PLA2R1: variants seen among roughly 807,000 people sequenced by gnomAD.
The protein encoded by PLA2R1 is phospholipase A2 receptor 1, also known as secretory phospholipase A2 receptor.
In PLA2R1, 158 loss-of-function variants were observed where a neutral mutation model predicts 195.9. The ratio of observed to expected loss-of-function variants is 0.81; its 90% CI spans 0.71 to 0.92. The LOEUF (loss-of-function observed/expected upper bound fraction) is 0.92, where lower values mean the gene tolerates loss of function less well. Ranked by LOEUF, PLA2R1 falls within the 40% of genes least tolerant of loss-of-function variation. The pLI, the probability that PLA2R1 is intolerant of heterozygous loss-of-function variation, is 0.00. For missense variants in PLA2R1, 1,626 were observed against 1,764.6 expected (o/e 0.92, Z 1.41); for synonymous variants, 586 against 598.2 (o/e 0.98, Z 0.30).
At chr2:160,042,800 CGTGTGT>C (rs111414981) in intron 2 of PLA2R1, among the ~76,000 whole-genome samples, 1,607 of 119,702 alleles carry the variant, frequency 0.013, 39 homozygotes, top group African/African-American at 0.039. Flanking sequence ...TGTGTGTGTG[CGTGTGT>C]GTGTGTGTGT....
intron 12 of PLA2R1, among the ~76,000 whole-genome samples, chr2:159,986,397 T>A (rs1206439991): frequency 1.3e-5 from 2 of 152,012 alleles, no homozygotes; most frequent in East Asian, 3.9e-4. Flanking sequence ...ACTTTGCCCA[T>A]CTTGTTGTGT....
rs745496442 is a variant in PLA2R1, at chr2:159,933,543, T to G, written c.*8235A>C. 2.4e-4 allele frequency: 37 copies of G among 152,302 alleles called. No homozygotes were observed. The highest frequency in any genetic ancestry group is 4.4e-4 in the Non-Finnish European group (30 of 68,030). 9.4% of individuals were successfully genotyped at this position (152,302 alleles called of 1,614,324 possible). ...CTTTTTTTTCTGATTCTCTTCTTCT[T>G]GATATTATTTATGTCACATTGCATT... is the stretch of plus-strand genomic sequence containing the variant. On this transcript the variant is annotated 3_prime_UTR_variant, in exon 30 of 30. Coordinates refer to ENST00000283243, the MANE Select transcript of PLA2R1 (RefSeq NM_007366.5).
At position 160,020,256 on chromosome 2, in the gene PLA2R1, T is replaced by G. The variant is rs368219792; in HGVS notation, c.1302A>C (p.Ala434=). Residue 434 remains alanine, a synonymous_variant, in exon 8 of 30, where the codon GCA becomes GCC. Transcript: ENST00000283243. ...TGCTCAAACCAATCCATGTTTCTGA[T>G]GCATTTTCTGTAAGAGATAAATGTA... ...FLVTLLGDEN[A]SETWIGLSSN... is the part of the protein sequence containing the mutation. The G allele has an allele frequency of 1.9e-6, 3 of 1,608,138 alleles. No individual in the cohort carries two copies.
chr2:159,971,647 A>T (rs182325829), intron 17 of PLA2R1, among the ~76,000 whole-genome samples: 20 of 152,180 alleles, frequency 1.3e-4, no homozygotes, highest in African/African-American at 3.6e-4. Context: ...TGTGTGCTGA[A>T]CTGTAAGTTA....
At chr2:159,977,498 T>A in intron 14 of PLA2R1, 82 bp from the exon 15 acceptor site, 2 of 1,219,548 alleles carry the variant, frequency 1.6e-6, no homozygotes, top group Non-Finnish European at 2.4e-6. Context: ...TCCCTGTACA[T>A]AAGCATTATA....
chr2:160,033,711 T>G (rs1693994407), intron 3 of PLA2R1, among the ~76,000 whole-genome samples: 1 of 152,220 alleles, frequency 6.6e-6, no homozygotes, highest in Non-Finnish European at 1.5e-5. Flanking sequence ...GGCCGAAGAT[T>G]GCATAGTGTG....
chr2:160,053,738 T>C (rs762699199), intron 1 of PLA2R1, among the ~76,000 whole-genome samples: 16 of 152,162 alleles, frequency 1.1e-4, no homozygotes, highest in African/African-American at 3.9e-4. Context: ...GCAGCATCAA[T>C]TGTAGGGCAG....
At chr2:159,967,990 T>G (rs1465557834) in intron 19 of PLA2R1, among the ~76,000 whole-genome samples, 2 of 152,202 alleles carry the variant, frequency 1.3e-5, no homozygotes, top group Admixed American at 6.5e-5. Flanking sequence ...AAGAATACTT[T>G]GTAGGGTAAC....
chr2:160,033,384 GTAA>G (rs1280579226), intron 3 of PLA2R1, among the ~76,000 whole-genome samples: 1 of 152,172 alleles, frequency 6.6e-6, no homozygotes, highest in East Asian at 1.9e-4. Flanking sequence ...CCTTTCCAGA[GTAA>G]TAATAGGAAC....
intron 7 of PLA2R1, among the ~76,000 whole-genome samples, chr2:160,021,768 C>T (rs936400241): frequency 3.9e-5 from 6 of 152,186 alleles, no homozygotes; most frequent in African/African-American, 1.4e-4. Context: ...CCTCTTAAAC[C>T]TATTTTTTAA....
intron 3 of PLA2R1, among the ~76,000 whole-genome samples, chr2:160,039,843 A>G (rs923837697): frequency 3.9e-5 from 6 of 152,038 alleles, no homozygotes; most frequent in Non-Finnish European, 8.8e-5. Context: ...CTGGGGAATG[A>G]AAAGCCTGGA....
rs928983765 is a variant in PLA2R1 at position 159,937,342 on chromosome 2, G to A, written c.*4436C>T. 25 of 152,108 alleles carry A rather than the reference G, an allele frequency of 1.6e-4. No individual in the cohort carries two copies. Among genetic ancestry groups the A allele is most frequent in the African/African-American group, 5.1e-4 (21 of 41,420 alleles). 9.4% of individuals were successfully genotyped at this position (152,108 alleles called of 1,614,324 possible). On this transcript the variant is annotated 3_prime_UTR_variant, in exon 30 of 30. Coordinates refer to ENST00000283243, the MANE Select transcript of PLA2R1 (RefSeq NM_007366.5). Reference sequence around the variant, plus strand: ...GTCAATACTATTTTTCTATTAAAATGCCTTTACCCTATTACAAGCTTTAAT... The same window carrying A: ...GTCAATACTATTTTTCTATTAAAATACCTTTACCCTATTACAAGCTTTAAT...
At chr2:159,962,470 G>C (rs1304553693) in intron 20 of PLA2R1, among the ~76,000 whole-genome samples, 1 of 152,196 alleles carries the variant, frequency 6.6e-6, no homozygotes, top group African/African-American at 2.4e-5. Flanking sequence ...GTGGAACACA[G>C]TGTGGTGATT....
chr2:160,031,542 C>CA lies in PLA2R1; in HGVS notation c.841+1416dup, dbSNP rs753222485. Among the ~76,000 whole-genome samples the CA allele has an allele frequency of 3.3e-5, 5 of 152,176 alleles. No individual in the cohort carries two copies. The South Asian group carries it at 6.2e-4, about 19-fold the overall frequency. On this transcript the variant is annotated intron_variant, in intron 4 of 29. Transcript: ENST00000283243. Reference sequence around the variant, plus strand: ...TTCACCTGTATTAAAATATGTAAGCCACACCAGGAATTTGCATTGTTATTA... The same window carrying CA: ...TTCACCTGTATTAAAATATGTAAGCCAACACCAGGAATTTGCATTGTTATTA...
chr2:160,049,486 T>C (rs971622855), intron 1 of PLA2R1, among the ~76,000 whole-genome samples: 2 of 152,216 alleles, frequency 1.3e-5, no homozygotes. Flanking sequence ...CTGTATATAT[T>C]TGTTCTGGAA....
chr2:160,020,764 A>T (rs1302434205), intron 7 of PLA2R1, among the ~76,000 whole-genome samples: 2 of 152,216 alleles, frequency 1.3e-5, no homozygotes, highest in Non-Finnish European at 2.9e-5. Context: ...CCCAGCCTCC[A>T]TAACTGTAGG....
chr2:159,943,766 C>A (rs541046213), intron 28 of PLA2R1, among the ~76,000 whole-genome samples: 1 of 151,222 alleles, frequency 6.6e-6, no homozygotes, highest in East Asian at 1.9e-4. Context: ...CTAGTGATAA[C>A]TTGGGCACAT....
chr2:160,026,747 A>T (rs1238847495), intron 6 of PLA2R1, among the ~76,000 whole-genome samples: 1 of 152,250 alleles, frequency 6.6e-6, no homozygotes, highest in Non-Finnish European at 1.5e-5. Flanking sequence ...CTCTGGCAGC[A>T]ATTAGAATCA....
intron 27 of PLA2R1, 75 bp downstream of exon 27, chr2:159,946,726 C>T: frequency 6.8e-7 from 1 of 1,469,346 alleles, no homozygotes; most frequent in Non-Finnish European, 9.0e-7. Context: ...AGTTTTCTGG[C>T]TCACAGATGC....
Sources: gnomAD v4.1 joint callset for allele counts (sites outside exome capture counted in the v4.1 genomes callset) on GRCh38, gnomAD v4.1.1 for gene constraint, MANE v1.5 for transcripts, NCBI Gene and HGNC (gene_info 2026-07-23, HGNC 2026-07-21) for gene names.